Variants in CNKSR2 observed in about 807,000 individuals in gnomAD.
CNKSR2 encodes connector enhancer of kinase suppressor of Ras 2, also known as CNK homolog protein 2.
A neutral mutation model predicts 84.4 loss-of-function variants in CNKSR2; 14 were observed. The ratio of observed to expected loss-of-function variants is 0.17; its 90% CI spans 0.11 to 0.26. The LOEUF (loss-of-function observed/expected upper bound fraction) is 0.26, where lower values mean the gene tolerates loss of function less well. Among genes scored for constraint, CNKSR2 ranks in the 10% least tolerant of loss-of-function variants. CNKSR2 has a pLI of 1.00. For missense variants in CNKSR2, 485 were observed against 771.2 expected (o/e 0.63, Z 4.40); for synonymous variants, 275 against 277.9 (o/e 0.99, Z 0.10).
At chrX:21,494,959 AT>A (rs2091478638) in intron 6 of CNKSR2, 1 of 111,904 alleles carries the variant, frequency 8.9e-6, no homozygotes, top group Admixed American at 9.5e-5. Flanking sequence ...TCAAAGAGAG[AT>A]GGGTAATTGA....
chrX:21,575,367 C>A (rs1252500921), intron 13 of CNKSR2, among the ~76,000 whole-genome samples: 1 of 110,263 alleles, frequency 9.1e-6, no homozygotes. Context: ...CCTCCTATCC[C>A]CCCATATTCT....
At chrX:21,636,903 G>A (rs775878350) in intron 20 of CNKSR2, among the ~76,000 whole-genome samples, 12 of 110,961 alleles carry the variant, frequency 1.1e-4, no homozygotes, top group East Asian at 8.4e-4. Flanking sequence ...TCTGAATGGC[G>A]ACATTTGCAA....
chrX:21,497,832 G>A lies in CNKSR2; in HGVS notation c.727G>A (p.Gly243Arg). The A allele has an allele frequency of 1.1e-6, 1 of 920,496 alleles. No homozygotes were observed. Among genetic ancestry groups the A allele is most frequent in the Non-Finnish European group, 1.6e-6 (1 of 631,323 alleles). 75.9% of individuals were successfully genotyped at this position (920,496 alleles called of 1,213,427 possible). Residue 243 changes from glycine to arginine, a missense_variant, in exon 7 of 22, where the codon GGA (glycine) becomes AGA (arginine). This residue lies in a region of CNKSR2 where 109 missense variants were observed against 197.5 expected (regional missense o/e 0.55). Transcript: ENST00000379510. ...ATATGATGGCCTCCATGTAATTACT[G>A]GAACCACAGAAAATGTAAGTATTCT... Reference protein sequence around the residue: ...STYDGLHVITGTTENSPADRC... With the variant: ...STYDGLHVITRTTENSPADRC...
chrX:21,403,970 C>T (rs1249805205), intron 1 of CNKSR2, among the ~76,000 whole-genome samples: 1 of 112,073 alleles, frequency 8.9e-6, no homozygotes, highest in Non-Finnish European at 1.9e-5. Context: ...GTATAGCAAA[C>T]AGTTCCACAT....
At chrX:21,548,910 T>C (rs1001644284) in intron 11 of CNKSR2, among the ~76,000 whole-genome samples, 5 of 112,255 alleles carry the variant, frequency 4.5e-5, no homozygotes, top group African/African-American at 1.6e-4. Context: ...TAGGTATTGA[T>C]GGAACGTATC....
intron 18 of CNKSR2, among the ~76,000 whole-genome samples, chrX:21,604,530 A>G (rs1342637949): frequency 8.9e-6 from 1 of 111,770 alleles, no homozygotes; most frequent in Non-Finnish European, 1.9e-5. Flanking sequence ...TTCCTAATTT[A>G]ACTGGAAGGA....
chrX:21,647,895 A>C (rs759038147), intron 20 of CNKSR2, among the ~76,000 whole-genome samples: 2 of 111,111 alleles, frequency 1.8e-5, no homozygotes, highest in Non-Finnish European at 3.8e-5. Flanking sequence ...ATATAGCCCT[A>C]CTCCAATCTA....
At chrX:21,452,974 C>G (rs2090955229) in intron 4 of CNKSR2, among the ~76,000 whole-genome samples, 1 of 109,542 alleles carries the variant, frequency 9.1e-6, no homozygotes, top group Non-Finnish European at 1.9e-5. Context: ...TATGGTTTCT[C>G]TTGCCCTTTT....
intron 20 of CNKSR2, among the ~76,000 whole-genome samples, chrX:21,618,735 G>A (rs1019400390): frequency 1.8e-5 from 2 of 111,543 alleles, no homozygotes; most frequent in Non-Finnish European, 3.8e-5. Context: ...TCTCTGTATC[G>A]TACATATGGT....
intron 4 of CNKSR2, among the ~76,000 whole-genome samples, chrX:21,464,290 A>G: frequency 8.9e-6 from 1 of 111,868 alleles, no homozygotes; most frequent in South Asian, 3.7e-4. Context: ...CTTTCTCCCC[A>G]GTGCACAGAA....
rs1465046531 is a variant in CNKSR2 at position 21,426,486 on chromosome X, T to G, written c.65-11T>G. On this transcript the variant is annotated splice_polypyrimidine_tract_variant and intron_variant, in intron 1 of 21. Transcript: ENST00000379510. ...GTTTTCATTCTGGTCTTTCATACTT[T>G]TATTTTGTAGGTCTTGATGACTGTT... The G allele has an allele frequency of 1.7e-6, 2 of 1,202,774 alleles. No individual in the cohort carries two copies. The highest frequency in any genetic ancestry group is 2.3e-4 in the Middle Eastern group (1 of 4,303).
intron 5 of CNKSR2, among the ~76,000 whole-genome samples, chrX:21,482,938 G>C (rs1054857308): frequency 1.8e-5 from 2 of 111,623 alleles, no homozygotes; most frequent in Non-Finnish European, 3.8e-5. Flanking sequence ...TTATTTACTT[G>C]CAACTATTTG....
intron 13 of CNKSR2, among the ~76,000 whole-genome samples, chrX:21,583,714 C>G (rs1227744251): frequency 8.9e-6 from 1 of 111,734 alleles, no homozygotes; most frequent in Non-Finnish European, 1.9e-5. Flanking sequence ...AGTAGCTGAG[C>G]TTTCAAAATG....
At chrX:21,645,804 A>G (rs1284790699) in intron 20 of CNKSR2, 1 of 111,897 alleles carries the variant, frequency 8.9e-6, no homozygotes, top group African/African-American at 3.2e-5. Context: ...AGGTGCTTTC[A>G]TATTTTCAGT....
chrX:21,476,657 G>C (rs1440012537), intron 5 of CNKSR2, among the ~76,000 whole-genome samples: 2 of 110,993 alleles, frequency 1.8e-5, no homozygotes, highest in Non-Finnish European at 3.8e-5. Flanking sequence ...TGAAGTGTGA[G>C]AATGAATAAA....
intron 11 of CNKSR2, among the ~76,000 whole-genome samples, chrX:21,533,840 G>A (rs755172827): frequency 1.7e-4 from 19 of 110,989 alleles, no homozygotes; most frequent in Admixed American, 1.4e-3. Flanking sequence ...GGGATACAGA[G>A]TGATATTTTG....
chrX:21,567,638 T>G (rs969927901), intron 13 of CNKSR2, among the ~76,000 whole-genome samples: 6 of 111,820 alleles, frequency 5.4e-5, no homozygotes, highest in African/African-American at 1.9e-4. Flanking sequence ...GGTTCCAATA[T>G]GCCCATCAGC....
chrX:21,530,815 T>G (rs997782777), intron 10 of CNKSR2, among the ~76,000 whole-genome samples: 1 of 110,907 alleles, frequency 9.0e-6, no homozygotes, highest in African/African-American at 3.3e-5. Flanking sequence ...ATTTAACAAA[T>G]CACAAATGGA....
At chrX:21,460,137 A>G (rs1410368995) in intron 4 of CNKSR2, among the ~76,000 whole-genome samples, 1 of 112,010 alleles carries the variant, frequency 8.9e-6, no homozygotes, top group Admixed American at 9.5e-5. Flanking sequence ...AGCTTTAACT[A>G]TCCCTTCAAT....
Sources: gnomAD v4.1 joint callset for allele counts (sites outside exome capture counted in the v4.1 genomes callset) on GRCh38, gnomAD v4.1.1 for gene constraint, gnomAD v4.1.1 regional missense constraint, MANE v1.5 for transcripts, NCBI Gene and HGNC (gene_info 2026-07-23, HGNC 2026-07-21) for gene names.